The following CTNNA3 variants were observed in gnomAD, a reference collection of about 807,000 sequenced individuals.
CTNNA3 encodes the protein catenin alpha 3.
Under a neutral mutation model 95.7 loss-of-function variants are expected in CTNNA3, and 76 were observed. The ratio of observed to expected loss-of-function variants is 0.79; its 90% CI spans 0.66 to 0.96. The LOEUF is 0.96. Ranked by LOEUF, CTNNA3 falls within the 40% of genes least tolerant of loss-of-function variation. The pLI is 0.00. For missense variants in CTNNA3, 1,191 were observed against 1,089.8 expected, an observed-to-expected ratio of 1.09 and a Z score of -1.31; for synonymous variants, 431 against 374.4, an observed-to-expected ratio of 1.15 and a Z score of -1.74.
chr10:66,365,056 T>C (rs1564900666), intron 12 of CTNNA3, among the ~76,000 whole-genome samples: 1 of 152,164 alleles, frequency 6.6e-6, no homozygotes, highest in Non-Finnish European at 1.5e-5. Flanking sequence ...ATGTTTCCAG[T>C]ATTAAATGTC....
chr10:66,042,917 A>AG, intron 15 of CTNNA3, among the ~76,000 whole-genome samples: 1 of 144,906 alleles, frequency 6.9e-6, no homozygotes, highest in African/African-American at 2.5e-5. Flanking sequence ...AAAAAAAAAA[A>AG]AAAAAAAAAA....
chr10:67,228,884 C>G (rs369857598), intron 5 of CTNNA3, among the ~76,000 whole-genome samples: 1 of 152,000 alleles, frequency 6.6e-6, no homozygotes, highest in Non-Finnish European at 1.5e-5. Context: ...CAGAATTCTT[C>G]CAGACATTCA....
chr10:66,302,393 G>A (rs1291216902), intron 12 of CTNNA3, among the ~76,000 whole-genome samples: 1 of 152,136 alleles, frequency 6.6e-6, no homozygotes, highest in East Asian at 1.9e-4. Context: ...AAAATTAGAG[G>A]ACTGACACTA....
At chr10:66,900,061 C>T (rs535449215) in intron 7 of CTNNA3, among the ~76,000 whole-genome samples, 1 of 152,272 alleles carries the variant, frequency 6.6e-6, no homozygotes, top group East Asian at 1.9e-4. Context: ...GGATCCCTGA[C>T]TCTGTGTAGC....
chr10:66,927,090 T>C lies in CTNNA3; in HGVS notation c.1048-151566A>G, dbSNP rs759680598. 8 of 1,614,078 alleles carry C rather than the reference T, an allele frequency of 5.0e-6. No homozygotes were observed. In the South Asian group the frequency reaches 8.8e-5, roughly 18 times the overall value. Reference sequence around the variant, plus strand: ...AGAAATTACAGGAGATACCCTCAAGTATATCTGCTGGTTGCTTAGGTTTGT... The same window carrying C: ...AGAAATTACAGGAGATACCCTCAAGCATATCTGCTGGTTGCTTAGGTTTGT... On this transcript the variant is annotated intron_variant, in intron 7 of 17. Coordinates refer to ENST00000433211, the MANE Select transcript of CTNNA3 (RefSeq NM_013266.4). This position sits in a 1 kb window ranked among gnomAD's most constrained non-coding sequence, Gnocchi z 4.7.
intron 5 of CTNNA3, among the ~76,000 whole-genome samples, chr10:67,452,713 T>C (rs1490478893): frequency 1.3e-5 from 2 of 152,166 alleles, no homozygotes; most frequent in Admixed American, 6.5e-5. Flanking sequence ...GAGGGTTCTC[T>C]TTGCTTAATG....
chr10:66,104,586 T>G (rs2081806376), intron 13 of CTNNA3, among the ~76,000 whole-genome samples: 2 of 152,204 alleles, frequency 1.3e-5, no homozygotes, highest in African/African-American at 4.8e-5. Context: ...TTTTCATTCC[T>G]AATCTCTCTC....
intron 12 of CTNNA3, among the ~76,000 whole-genome samples, chr10:66,331,924 C>T (rs2092335459): frequency 6.6e-6 from 1 of 151,992 alleles, no homozygotes; most frequent in Non-Finnish European, 1.5e-5. Flanking sequence ...TTGATTCTTC[C>T]TACCCATGAG....
chr10:67,369,812 TGTTA>T (rs1261707050), intron 5 of CTNNA3, among the ~76,000 whole-genome samples: 5 of 152,158 alleles, frequency 3.3e-5, no homozygotes, highest in South Asian at 2.1e-4. Flanking sequence ...TTAAAGACAC[TGTTA>T]GTTAGGCTTC....
intron 2 of CTNNA3, among the ~76,000 whole-genome samples, chr10:67,628,073 G>A (rs1188722373): frequency 2.0e-5 from 3 of 151,190 alleles, no homozygotes. Flanking sequence ...TAAGGTGAAT[G>A]AAATATTTAA....
At chr10:66,213,502 C>G (rs942369510) in intron 13 of CTNNA3, among the ~76,000 whole-genome samples, 1 of 152,246 alleles carries the variant, frequency 6.6e-6, no homozygotes, top group South Asian at 2.1e-4. Context: ...TAGATATAAG[C>G]AGATGATCTC....
intron 5 of CTNNA3, among the ~76,000 whole-genome samples, chr10:67,262,631 T>C (rs1316538491): frequency 1.3e-5 from 2 of 152,166 alleles, no homozygotes; most frequent in South Asian, 2.1e-4. Flanking sequence ...ACAGTTTTTT[T>C]AAAAAACAGC....
intron 1 of CTNNA3, chr10:67,751,012 C>A (rs1228839784): frequency 1.9e-6 from 3 of 1,565,938 alleles, no homozygotes; most frequent in Admixed American, 1.7e-5. Context: ...GCACAAAAAA[C>A]CACAGCCCAG....
chr10:66,267,348 C>A (rs2091182409), intron 13 of CTNNA3, among the ~76,000 whole-genome samples: 1 of 152,084 alleles, frequency 6.6e-6, no homozygotes. Context: ...AGCCATAATT[C>A]CAACTATCCA....
At chr10:66,746,527 T>A (rs757736198) in intron 9 of CTNNA3, among the ~76,000 whole-genome samples, 1 of 151,486 alleles carries the variant, frequency 6.6e-6, no homozygotes, top group Non-Finnish European at 1.5e-5. Flanking sequence ...TTGCATAGCA[T>A]TTTTTTTCCT....
At position 66,919,854 on chromosome 10, in the gene CTNNA3, ACT is replaced by A. The variant is rs1385629815; in HGVS notation, c.1048-144332_1048-144331del. Reference sequence around the variant, plus strand: ...AAAATTATTTTCACAGCTGTAGGAAACTCTATATTGGCATTCTGACAACCCTG... The same window carrying A: ...AAAATTATTTTCACAGCTGTAGGAAACTATATTGGCATTCTGACAACCCTG... On this transcript the variant is annotated intron_variant, in intron 7 of 17. Coordinates refer to ENST00000433211, the MANE Select transcript of CTNNA3 (RefSeq NM_013266.4). Among the ~76,000 whole-genome samples, 9 of 152,186 alleles carry A rather than the reference ACT, an allele frequency of 5.9e-5. No homozygotes were observed. In the South Asian group the frequency reaches 1.9e-3, roughly 32 times the overall value.
intron 5 of CTNNA3, among the ~76,000 whole-genome samples, chr10:67,414,995 A>G (rs185447137): frequency 4.6e-5 from 7 of 152,262 alleles, no homozygotes; most frequent in African/African-American, 1.7e-4. Context: ...TCAATAAACA[A>G]AGGAACATAC....
chr10:66,460,875 T>C (rs1469147063), intron 11 of CTNNA3, among the ~76,000 whole-genome samples: 3 of 152,332 alleles, frequency 2.0e-5, no homozygotes, highest in South Asian at 2.1e-4. Context: ...GAAAGTTCAC[T>C]TTTTATAATA....
At chr10:67,069,432 G>A (rs942119253) in intron 7 of CTNNA3, among the ~76,000 whole-genome samples, 1 of 151,948 alleles carries the variant, frequency 6.6e-6, no homozygotes, top group African/African-American at 2.4e-5. Flanking sequence ...ACTTGTTTTT[G>A]AAGTATAAGA....
Sources: gnomAD v4.1 joint callset for allele counts (sites outside exome capture counted in the v4.1 genomes callset) on GRCh38, gnomAD v4.1.1 for gene constraint, Gnocchi (gnomAD v3.1) non-coding constraint, MANE v1.5 for transcripts, NCBI Gene and HGNC (gene_info 2026-07-23, HGNC 2026-07-21) for gene names.